Variants in ATP6V1A observed in about 807,000 individuals in gnomAD.
ATP6V1A encodes V-type proton ATPase catalytic subunit A.
In ATP6V1A, 18 loss-of-function variants were observed where a neutral mutation model predicts 70.1. The observed-to-expected ratio is 0.26, with a 90% CI of 0.18 to 0.38. The LOEUF (loss-of-function observed/expected upper bound fraction) is 0.38, where lower values mean the gene tolerates loss of function less well. Ranked by LOEUF, ATP6V1A falls within the 10% of genes least tolerant of loss-of-function variation. The pLI, the probability that ATP6V1A is intolerant of heterozygous loss-of-function variation, is 1.00. For synonymous variants in ATP6V1A, 232 were observed against 253.8 expected (o/e 0.91, Z 0.82); for missense variants, 424 against 772.4 (o/e 0.55, Z 5.35).
intron 1 of ATP6V1A, among the ~76,000 whole-genome samples, chr3:113,769,510 T>C (rs1708809156): frequency 6.6e-6 from 1 of 152,204 alleles, no homozygotes; most frequent in Non-Finnish European, 1.5e-5. Flanking sequence ...TGAGTAAATA[T>C]TACCTTGGAA....
chr3:113,788,065 A>G (rs1709055906), intron 6 of ATP6V1A, among the ~76,000 whole-genome samples: 1 of 152,166 alleles, frequency 6.6e-6, no homozygotes, highest in African/African-American at 2.4e-5. Flanking sequence ...GGCCATGGGC[A>G]TGCACCACCA....
intron 14 of ATP6V1A, among the ~76,000 whole-genome samples, chr3:113,809,076 C>A (rs1185169353): frequency 6.7e-6 from 1 of 149,924 alleles, no homozygotes; most frequent in East Asian, 2.0e-4. Context: ...ATGGTGAAAC[C>A]TGTCTCTACT....
At chr3:113,778,286 C>T (rs1708938602) in intron 1 of ATP6V1A, among the ~76,000 whole-genome samples, 1 of 152,110 alleles carries the variant, frequency 6.6e-6, no homozygotes, top group African/African-American at 2.4e-5. Flanking sequence ...TCCAGCTACC[C>T]TGGAGGGTGA....
At chr3:113,761,656 A>T (rs1192009016) in intron 1 of ATP6V1A, among the ~76,000 whole-genome samples, 1 of 150,008 alleles carries the variant, frequency 6.7e-6, no homozygotes, top group East Asian at 2.0e-4. Flanking sequence ...GAATTGCTTG[A>T]ACCCGGGAGG....
chr3:113,800,029 A>G (rs895679076), intron 12 of ATP6V1A, among the ~76,000 whole-genome samples: 1 of 152,046 alleles, frequency 6.6e-6, no homozygotes, highest in Non-Finnish European at 1.5e-5. Context: ...TCAGGAGTTC[A>G]AGACCAGCCT....
At chr3:113,763,934 C>A (rs1475293147) in intron 1 of ATP6V1A, among the ~76,000 whole-genome samples, 1 of 152,124 alleles carries the variant, frequency 6.6e-6, no homozygotes, top group African/African-American at 2.4e-5. Context: ...TTTACCTAGT[C>A]AGTAAGTTAA....
At chr3:113,752,976 A>C (rs1337157808) in intron 1 of ATP6V1A, among the ~76,000 whole-genome samples, 2 of 152,148 alleles carry the variant, frequency 1.3e-5, no homozygotes, top group African/African-American at 4.8e-5. Context: ...AAAGTCATAA[A>C]AGTATGGATA....
At chr3:113,786,192 A>C in intron 5 of ATP6V1A, 40 bp from the exon 6 acceptor site, 1 of 1,536,622 alleles carries the variant, frequency 6.5e-7, no homozygotes, top group Non-Finnish European at 8.9e-7. Context: ...AGAAATGTTC[A>C]CAAATTTGAC....
At chr3:113,768,911 A>G (rs565666004) in intron 1 of ATP6V1A, among the ~76,000 whole-genome samples, 12 of 152,244 alleles carry the variant, frequency 7.9e-5, no homozygotes, top group Non-Finnish European at 1.3e-4. Context: ...TAAAAGAACA[A>G]AGAAATTATT....
At chr3:113,747,416 G>C (rs574325832) in intron 1 of ATP6V1A, 1 of 152,364 alleles carries the variant, frequency 6.6e-6, no homozygotes, top group Non-Finnish European at 1.5e-5. Flanking sequence ...ATTTCACAGG[G>C]TCTGCAGTAG....
At chr3:113,793,978 T>C (rs564636225) in intron 8 of ATP6V1A, among the ~76,000 whole-genome samples, 54 of 152,306 alleles carry the variant, frequency 3.5e-4, no homozygotes, top group African/African-American at 1.1e-3. Context: ...TCATCTGCCA[T>C]ATATACAAGT....
intron 1 of ATP6V1A, among the ~76,000 whole-genome samples, chr3:113,748,662 T>C (rs797004300): frequency 3.9e-5 from 6 of 152,368 alleles, no homozygotes; most frequent in African/African-American, 1.4e-4. Context: ...AGTATTTTTA[T>C]AGTAAGTGCA....
In ATP6V1A at chr3:113,758,880, A is replaced by G. The variant is rs368625985; in HGVS notation, c.-14+11767A>G. The stretch of plus-strand genomic sequence containing the variant: ...TTTTAGCCATTCTGATAGCTGTGGA[A>G]TGGCATTTCATTGTGGTTTTAACTT... On this transcript the variant is annotated intron_variant, in intron 1 of 14. Transcript: ENST00000273398. 3.1e-4 allele frequency among the ~76,000 whole-genome samples: 47 copies of G among 152,298 alleles called. 1 individual carries two copies. In the East Asian group the frequency reaches 8.7e-3, roughly 28 times the overall value.
intron 1 of ATP6V1A, among the ~76,000 whole-genome samples, chr3:113,748,052 A>G (rs1306025649): frequency 6.6e-6 from 1 of 152,194 alleles, no homozygotes; most frequent in Non-Finnish European, 1.5e-5. Flanking sequence ...AATACTACTG[A>G]ATTGGCACTC....
At chr3:113,765,508 G>A (rs1237794514) in intron 1 of ATP6V1A, among the ~76,000 whole-genome samples, 1 of 151,786 alleles carries the variant, frequency 6.6e-6, no homozygotes, top group Non-Finnish European at 1.5e-5. Flanking sequence ...GGAGGCTGAG[G>A]CAGGAAGAGT....
rs183974894 is a variant in ATP6V1A, at chr3:113,770,988, G to A, written c.-13-7753G>A. Among the ~76,000 whole-genome samples, 272 of 151,706 alleles carry A rather than the reference G, an allele frequency of 1.8e-3. 1 individual carries two copies. Among genetic ancestry groups the A allele is most frequent in the Non-Finnish European group, 3.1e-3 (210 of 67,918 alleles). ...CGCATGCCTGTAATTCCAGCTACTC[G>A]GGAGGCTGAGGCAGGAGAATTGCTT... On this transcript the variant is annotated intron_variant, in intron 1 of 14. Transcript: ENST00000273398.
At chr3:113,750,611 A>ATAACT (rs1212312969) in intron 1 of ATP6V1A, among the ~76,000 whole-genome samples, 1 of 152,258 alleles carries the variant, frequency 6.6e-6, no homozygotes, top group Non-Finnish European at 1.5e-5. Flanking sequence ...CTACCACTTA[A>ATAACT]TAACTGTGTG....
intron 11 of ATP6V1A, among the ~76,000 whole-genome samples, chr3:113,796,638 G>A (rs1484101496): frequency 6.6e-6 from 1 of 151,532 alleles, no homozygotes; most frequent in Non-Finnish European, 1.5e-5. Flanking sequence ...ACAAATCAGA[G>A]CTATAGTTAA....
At chr3:113,807,651 T>C (rs1709291119) in intron 14 of ATP6V1A, among the ~76,000 whole-genome samples, 1 of 152,156 alleles carries the variant, frequency 6.6e-6, no homozygotes, top group Non-Finnish European at 1.5e-5. Flanking sequence ...GATCCAAATA[T>C]TGTCTTAAAA....
Sources: gnomAD v4.1 joint callset for allele counts (sites outside exome capture counted in the v4.1 genomes callset) on GRCh38, gnomAD v4.1.1 for gene constraint, MANE v1.5 for transcripts, NCBI Gene and HGNC (gene_info 2026-07-23, HGNC 2026-07-21) for gene names.